Variants in CHL1 observed in about 807,000 individuals in gnomAD.
CHL1 encodes neural cell adhesion molecule L1-like protein.
CHL1 carries 96 observed loss-of-function variants against 141.9 expected under a neutral mutation model. The observed-to-expected ratio is 0.68, with a 90% CI of 0.57 to 0.80. The LOEUF (loss-of-function observed/expected upper bound fraction) is 0.80. CHL1 is among the 30% of genes least tolerant of loss of function. The pLI is 0.00. For missense variants in CHL1, 1,820 were observed against 1,457.2 expected (o/e 1.25, Z -4.05); for synonymous variants, 613 against 502.2 (o/e 1.22, Z -2.95).
At position 319,272 on chromosome 3, in the gene CHL1, T is replaced by C. The variant is rs533110669; in HGVS notation, c.-94-411T>C. Reference sequence around the variant, plus strand: ...GATTGAAAAACTACCTATCGGGTGCTATGCTCATTACCTGAGTGATGGAAT... The same window carrying C: ...GATTGAAAAACTACCTATCGGGTGCCATGCTCATTACCTGAGTGATGGAAT... On this transcript the variant is annotated intron_variant, in intron 2 of 27. Coordinates refer to ENST00000256509, the MANE Select transcript of CHL1 (RefSeq NM_006614.4). Among the ~76,000 whole-genome samples the C allele has an allele frequency of 1.3e-4, 20 of 151,520 alleles. No individual in the cohort carries two copies. In the South Asian group the frequency reaches 3.7e-3, roughly 28 times the overall value.
At chr3:396,396 C>T (rs959920286) in intron 24 of CHL1, among the ~76,000 whole-genome samples, 5 of 152,056 alleles carry the variant, frequency 3.3e-5, no homozygotes, top group Non-Finnish European at 7.4e-5. Flanking sequence ...TAACCAAGAC[C>T]ATAATGTGCA....
chr3:356,952 TG>T (rs1406865161), intron 11 of CHL1, among the ~76,000 whole-genome samples: 1 of 152,166 alleles, frequency 6.6e-6, no homozygotes, highest in Non-Finnish European at 1.5e-5. Context: ...GGCCTTTGAA[TG>T]GAGAATGGAC....
intron 1 of CHL1, among the ~76,000 whole-genome samples, chr3:200,621 C>T (rs1296543239): frequency 6.6e-6 from 1 of 152,136 alleles, no homozygotes; most frequent in Non-Finnish European, 1.5e-5. Flanking sequence ...AATATTCTTT[C>T]TGTTTGTTCC....
intron 5 of CHL1, among the ~76,000 whole-genome samples, chr3:329,844 C>T (rs1215291334): frequency 6.6e-6 from 1 of 151,940 alleles, no homozygotes; most frequent in Non-Finnish European, 1.5e-5. Context: ...TTTGTAAAAG[C>T]CTTCATGGAA....
At chr3:279,767 A>G (rs1696467648) in intron 2 of CHL1, among the ~76,000 whole-genome samples, 1 of 152,188 alleles carries the variant, frequency 6.6e-6, no homozygotes, top group Non-Finnish European at 1.5e-5. Context: ...AGACAATGAG[A>G]GAAGTGGGCA....
At chr3:337,630 C>T (rs1702008155) in intron 5 of CHL1, among the ~76,000 whole-genome samples, 1 of 148,150 alleles carries the variant, frequency 6.7e-6, no homozygotes. Context: ...GGTTTTTTGT[C>T]CTTGCGATAA....
At chr3:365,640 G>A (rs538372802) in intron 14 of CHL1, among the ~76,000 whole-genome samples, 21 of 152,280 alleles carry the variant, frequency 1.4e-4, no homozygotes, top group Admixed American at 7.2e-4. Flanking sequence ...GCACTTGAAG[G>A]AGAAATTATG....
At chr3:393,249 T>A (rs922199217) in intron 23 of CHL1, among the ~76,000 whole-genome samples, 13 of 68,534 alleles carry the variant, frequency 1.9e-4, no homozygotes, top group Non-Finnish European at 1.9e-4. Flanking sequence ...AAAAAAAAAG[T>A]GTTAAGAATG....
intron 13 of CHL1, among the ~76,000 whole-genome samples, chr3:362,651 G>A (rs4685627): frequency 0.59 from 89,761 of 151,612 alleles, 26,710 homozygotes; most frequent in Admixed American, 0.7. Context: ...TCAAGCAGTC[G>A]CTTATTGTCA....
chr3:385,477 C>T (rs1318822940), intron 19 of CHL1, among the ~76,000 whole-genome samples: 1 of 152,098 alleles, frequency 6.6e-6, no homozygotes, highest in Non-Finnish European at 1.5e-5. Flanking sequence ...TTTATTACCC[C>T]AAAGATACAC....
intron 27 of CHL1, among the ~76,000 whole-genome samples, chr3:402,992 C>T (rs1387575570): frequency 2.0e-5 from 3 of 152,198 alleles, no homozygotes; most frequent in Admixed American, 6.5e-5. Flanking sequence ...ATGGGTACTT[C>T]TGGCTCAGGA....
At chr3:256,422 T>A (rs757278606) in intron 2 of CHL1, among the ~76,000 whole-genome samples, 2 of 152,222 alleles carry the variant, frequency 1.3e-5, no homozygotes, top group Admixed American at 6.5e-5. Context: ...GTTGTACAAC[T>A]CAGTACCTTT....
At chr3:312,606 C>T (rs1439555322) in intron 2 of CHL1, among the ~76,000 whole-genome samples, 4 of 152,092 alleles carry the variant, frequency 2.6e-5, no homozygotes, top group East Asian at 1.9e-4. Context: ...GAACTGATTC[C>T]AAACCAGGGG....
At chr3:344,436 T>C (rs1702591043) in intron 8 of CHL1, among the ~76,000 whole-genome samples, 153 bp from the exon 9 acceptor site, 1 of 150,560 alleles carries the variant, frequency 6.6e-6, no homozygotes, top group African/African-American at 2.4e-5. Flanking sequence ...GAGGAGTCTA[T>C]TTAAATGGAA....
intron 2 of CHL1, among the ~76,000 whole-genome samples, chr3:304,697 G>C (rs550849479): frequency 1.5e-4 from 23 of 152,102 alleles, no homozygotes; most frequent in African/African-American, 5.5e-4. Flanking sequence ...ACCAGCTCCT[G>C]GTTTCATTGA....
At chr3:307,464 C>T (rs1369974029) in intron 2 of CHL1, among the ~76,000 whole-genome samples, 2 of 152,276 alleles carry the variant, frequency 1.3e-5, no homozygotes, top group Non-Finnish European at 2.9e-5. Flanking sequence ...ATTCTAGCTG[C>T]AGGATTCAGC....
Position 398,220 on chromosome 3 carries a change from T to G in CHL1, c.3095-7T>G. ...ATTCACATGATTTAACTGTGTACATTTCTTAGGTAAAGGTATCGGGAAGAT... is the reference window on the plus strand; with the variant it reads ...ATTCACATGATTTAACTGTGTACATGTCTTAGGTAAAGGTATCGGGAAGAT... On this transcript the variant is annotated splice_polypyrimidine_tract_variant and splice_region_variant and intron_variant, in intron 24 of 27. Transcript: ENST00000256509. 1 of 1,579,190 alleles carries G rather than the reference T, an allele frequency of 6.3e-7. No individual in the cohort carries two copies. Among genetic ancestry groups the G allele is most frequent in the Non-Finnish European group, 8.6e-7 (1 of 1,156,418 alleles).
intron 10 of CHL1, 98 bp downstream of exon 10, chr3:349,641 C>T: frequency 9.7e-7 from 1 of 1,031,514 alleles, no homozygotes; most frequent in Non-Finnish European, 1.4e-6. Context: ...TAAAACAGGT[C>T]AGCAGTTTCA....
intron 2 of CHL1, among the ~76,000 whole-genome samples, chr3:289,354 T>C (rs1256512172): frequency 6.6e-6 from 1 of 152,206 alleles, no homozygotes; most frequent in Admixed American, 6.5e-5. Flanking sequence ...TATTCCCTGT[T>C]GTGGATTAAG....
Sources: gnomAD v4.1 joint callset for allele counts (sites outside exome capture counted in the v4.1 genomes callset) on GRCh38, gnomAD v4.1.1 for gene constraint, MANE v1.5 for transcripts, NCBI Gene and HGNC (gene_info 2026-07-23, HGNC 2026-07-21) for gene names.